CTSA: variants seen among roughly 807,000 people sequenced by gnomAD.
CTSA encodes the protein lysosomal protective protein.
A neutral mutation model predicts 66.7 loss-of-function variants in CTSA; 42 were observed. The ratio of observed to expected loss-of-function variants is 0.63; its 90% CI spans 0.49 to 0.81. CTSA has a LOEUF of 0.81. Among genes scored for constraint, CTSA ranks in the 40% least tolerant of loss-of-function variants. CTSA has a pLI of 0.00. For synonymous variants in CTSA, 225 were observed against 248.6 expected (o/e 0.91, Z 0.89); for missense variants, 525 against 610.9 (o/e 0.86, Z 1.48).
chr20:45,897,886 G>A (rs1360469030), intron 13 of CTSA, 80 bp downstream of exon 13: 11 of 1,505,036 alleles, frequency 7.3e-6, no homozygotes, highest in Non-Finnish European at 1.0e-5. Context: ...TGGCCAGCTG[G>A]CTGCCTGGCT....
intron 8 of CTSA, 164 bp downstream of exon 8, chr20:45,894,236 C>T (rs1987120492): frequency 1.4e-6 from 1 of 693,134 alleles, no homozygotes; most frequent in African/African-American, 1.8e-5. Flanking sequence ...TGTATTCCCA[C>T]CACCACCTCC....
In CTSA at chr20:45,894,642, C is replaced by G. The variant is rs372295074; in HGVS notation, c.778-8C>G. The G allele has an allele frequency of 2.5e-6, 4 of 1,612,952 alleles. No individual in the cohort carries two copies. Among genetic ancestry groups the G allele is most frequent in the Non-Finnish European group, 3.4e-6 (4 of 1,178,952 alleles). The stretch of plus-strand genomic sequence containing the variant: ...TGTAAAGCATGGTGGCTTGGTGTAT[C>G]ATTGCAGCTTCAGGAAGTGGCCCGC... On this transcript the variant is annotated splice_region_variant and splice_polypyrimidine_tract_variant and intron_variant, in intron 8 of 14. Coordinates refer to ENST00000646241, the MANE Select transcript of CTSA (RefSeq NM_000308.4).
intron 11 of CTSA, 177 bp from the exon 12 acceptor site, chr20:45,896,788 C>A: frequency 1.5e-6 from 1 of 661,774 alleles, no homozygotes; most frequent in South Asian, 1.6e-5. Context: ...AATCCCAGCC[C>A]ATCCAGCCCA....
At position 45,898,375 on chromosome 20, in the gene CTSA, C is replaced by G. The variant is rs141528471; in HGVS notation, c.1368C>G (p.Gly456=). Residue 456 remains glycine, a synonymous_variant, in exon 15 of 15, where the codon GGC becomes GGG. Coordinates refer to ENST00000646241, the MANE Select transcript of CTSA (RefSeq NM_000308.4). The surrounding 1 kb of genome is among the most constrained non-coding windows in gnomAD (Gnocchi z 4.6). ...CGAACATTGCTCCTCAGGGCGCCGG[C>G]CACATGGTTCCCACCGACAAGCCCC... is the stretch of plus-strand genomic sequence containing the variant. ...HIAFLTIKGA[G]HMVPTDKPLA... is the part of the protein sequence containing the mutation. 2.2e-5 allele frequency: 35 copies of G among 1,613,762 alleles called. No homozygotes were observed. The African/African-American group carries it at 4.7e-4, about 22-fold the overall frequency.
chr20:45,897,752 C>T lies in CTSA; in HGVS notation c.1200C>T (p.Asp400=), dbSNP rs780715805. The T allele has an allele frequency of 1.2e-6, 2 of 1,612,236 alleles. No individual in the cohort carries two copies. The highest frequency in any genetic ancestry group is 1.1e-5 in the South Asian group (1 of 91,068). ...TCCTATTATATAATGGAGATGTAGACATGGCCTGCAATTTCATGGGGGATG... is the reference window on the plus strand; with the variant it reads ...TCCTATTATATAATGGAGATGTAGATATGGCCTGCAATTTCATGGGGGATG... ...YQILLYNGDV[D]MACNFMGDEW... The change falls in exon 13 of 15, where the codon GAC becomes GAT. Residue 400 remains aspartate (D), a synonymous_variant. Coordinates refer to ENST00000646241, the MANE Select transcript of CTSA (RefSeq NM_000308.4).
chr20:45,892,020 C>A lies in CTSA; in HGVS notation c.299C>A (p.Pro100His). 6.2e-7 allele frequency: 1 copy of A among 1,613,666 alleles called. No individual in the cohort carries two copies. Among genetic ancestry groups the A allele is most frequent in the Non-Finnish European group, 8.5e-7 (1 of 1,179,670 alleles). ...GATGGGCTCCTCACAGAGCATGGCC[C>A]CTTCCTGGTGAGTGGACAGCAGGGG... ...SLDGLLTEHG[P>H]FLVQPDGVTL... Residue 100 changes from proline to histidine, a missense_variant, in exon 3 of 15, where the codon CCC becomes CAC. Physicochemically the swap from Pro to His is moderately conservative, Grantham distance 77 (BLOSUM62 -2). This residue lies in a region of CTSA where 246 missense variants were observed against 267.4 expected (regional missense o/e 0.92). Transcript: ENST00000646241.
rs755669169 is a variant in CTSA, at chr20:45,898,023, C to A, written c.1273C>A (p.Pro425Thr). 3.7e-5 allele frequency: 59 copies of A among 1,614,026 alleles called. No homozygotes were observed. Among genetic ancestry groups the A allele is most frequent in the Non-Finnish European group, 4.8e-5 (57 of 1,180,024 alleles). The change falls in exon 14 of 15, where the codon CCC becomes ACC. Residue 425 changes from proline (P) to threonine (T), a missense_variant. Pro to Thr is a conservative substitution (Grantham distance 38). This residue lies in a region of CTSA where 274 missense variants were observed against 321.1 expected (regional missense o/e 0.85). Coordinates refer to ENST00000646241, the MANE Select transcript of CTSA (RefSeq NM_000308.4). This position sits in a 1 kb window ranked among gnomAD's most constrained non-coding sequence, Gnocchi z 4.6. ...LNQKMEVQRR[P>T]WLVKYGDSGE... ...GGGGCAGATGGAGGTGCAGCGCCGG[C>A]CCTGGTTAGTGAAGTACGGGGACAG...
In CTSA at chr20:45,892,845, G is replaced by T. The variant is rs773522013; in HGVS notation, c.565G>T (p.Val189Leu). ...YAGIYIPTLAVLVMQDPSMNL... is the reference protein window; with the variant it reads ...YAGIYIPTLALLVMQDPSMNL... Reference sequence around the variant, plus strand: ...TGGCATCTACATCCCCACCCTGGCCGTGCTGGTCATGCAGGATCCCAGCAT... The same window carrying T: ...TGGCATCTACATCCCCACCCTGGCCTTGCTGGTCATGCAGGATCCCAGCAT... Residue 189 changes from valine to leucine, a missense_variant, in exon 6 of 15, where the codon GTG (valine) becomes TTG (leucine). Physicochemically the swap from Val to Leu is conservative, Grantham distance 32. Coordinates refer to ENST00000646241, the MANE Select transcript of CTSA (RefSeq NM_000308.4). 1 of 1,614,108 alleles carries T rather than the reference G, an allele frequency of 6.2e-7. No homozygotes were observed. Among genetic ancestry groups the T allele is most frequent in the Non-Finnish European group, 8.5e-7 (1 of 1,180,014 alleles).
intron 8 of CTSA, 142 bp from the exon 9 acceptor site, chr20:45,894,508 C>T (rs1042226909): frequency 2.1e-5 from 16 of 768,618 alleles, no homozygotes; most frequent in Non-Finnish European, 3.2e-5. Flanking sequence ...AAGATTCCTG[C>T]CACTGAGCCT....
chr20:45,898,006 T>C lies in CTSA; in HGVS notation c.1256T>C (p.Met419Thr), dbSNP rs2083129686. The C allele has an allele frequency of 6.2e-7, 1 of 1,613,892 alleles. No individual in the cohort carries two copies. Among genetic ancestry groups the C allele is most frequent in the Non-Finnish European group, 8.5e-7 (1 of 1,179,950 alleles). The change falls in exon 14 of 15, where the codon ATG becomes ACG. Residue 419 changes from methionine to threonine, a missense_variant and splice_region_variant. By Grantham distance (81) the Met-to-Thr change is moderately conservative (BLOSUM62 -1). Transcript: ENST00000646241. This position sits in a 1 kb window ranked among gnomAD's most constrained non-coding sequence, Gnocchi z 4.6. ...CTGATGTCTTTCCTGGTGGGGCAGA[T>C]GGAGGTGCAGCGCCGGCCCTGGTTA... ...EWFVDSLNQK[M>T]EVQRRPWLVK...
rs1190331674 is a variant in CTSA, at chr20:45,898,108, A to G, written c.1358A>G (p.Lys453Arg). ...TCCCACATCGCCTTTCTCACGATCA[A>G]GGTAGGGACTGGGCCTGCTGAGAGA... ...EFSHIAFLTI[K>R]GAGHMVPTDK... The change falls in exon 14 of 15, where the codon AAG (lysine) becomes AGG (arginine). Residue 453 changes from lysine to arginine, a missense_variant and splice_region_variant. Lys to Arg is a conservative substitution (Grantham distance 26). This residue lies in a region of CTSA where 274 missense variants were observed against 321.1 expected (regional missense o/e 0.85). Coordinates refer to ENST00000646241, the MANE Select transcript of CTSA (RefSeq NM_000308.4). The surrounding 1 kb of genome is among the most constrained non-coding windows in gnomAD (Gnocchi z 4.6). The G allele has an allele frequency of 6.2e-7, 1 of 1,613,654 alleles. No individual in the cohort carries two copies. The highest frequency in any genetic ancestry group is 1.1e-5 in the South Asian group (1 of 91,070).
intron 11 of CTSA, among the ~76,000 whole-genome samples, chr20:45,895,835 T>C (rs558996295): frequency 1.3e-5 from 2 of 152,246 alleles, no homozygotes; most frequent in Admixed American, 6.5e-5. Context: ...TCCTCCCTCC[T>C]TGGCCTCCCA....
chr20:45,895,689 T>C (rs1248827523), intron 11 of CTSA, among the ~76,000 whole-genome samples: 1 of 152,148 alleles, frequency 6.6e-6, no homozygotes, highest in Non-Finnish European at 1.5e-5. Flanking sequence ...CAAGCGATCC[T>C]CCCACCTTAG....
At chr20:45,893,198 G>A (rs1987064605) in intron 6 of CTSA, 22 bp from the exon 7 acceptor site, 3 of 1,601,776 alleles carry the variant, frequency 1.9e-6, no homozygotes, top group Admixed American at 3.3e-5. Flanking sequence ...CACATGAGCT[G>A]AGCACCCTGG....
chr20:45,895,255 T>A, intron 11 of CTSA, 122 bp downstream of exon 11: 9 of 1,126,816 alleles, frequency 8.0e-6, no homozygotes, highest in Non-Finnish European at 1.1e-5. Flanking sequence ...AGAGGATGTT[T>A]AACATCCATC....
intron 3 of CTSA, 88 bp downstream of exon 3, chr20:45,892,115 T>G: frequency 6.8e-7 from 1 of 1,473,068 alleles, no homozygotes; most frequent in African/African-American, 1.4e-5. Context: ...CCAAAAAGTT[T>G]CCTTCCTTCT....
rs781090547 is a variant in CTSA at position 45,898,491 on chromosome 20, C to T, written c.*41C>T. 2.5e-6 allele frequency: 4 copies of T among 1,581,454 alleles called. No individual in the cohort carries two copies. The highest frequency in any genetic ancestry group is 3.5e-6 in the Non-Finnish European group (4 of 1,152,000). On this transcript the variant is annotated 3_prime_UTR_variant, in exon 15 of 15. Coordinates refer to ENST00000646241, the MANE Select transcript of CTSA (RefSeq NM_000308.4). The surrounding 1 kb of genome is among the most constrained non-coding windows in gnomAD (Gnocchi z 4.6). ...GCTCCACGGCCTGATGCAGCCCCTC[C>T]CAGCCTCTCCCGCTAGGAGAGTCCT... is the stretch of plus-strand genomic sequence containing the variant.
rs1986969024 is a variant in CTSA at position 45,891,856 on chromosome 20, C to G, written c.195-60C>G. Reference sequence around the variant, plus strand: ...GCAGACCCCTGAGGATGCCTGGGAGCCGGGAGGGCTGGAAAGGGCCCCTCC... The same window carrying G: ...GCAGACCCCTGAGGATGCCTGGGAGGCGGGAGGGCTGGAAAGGGCCCCTCC... On this transcript the variant is annotated intron_variant, in intron 2 of 14. Coordinates refer to ENST00000646241, the MANE Select transcript of CTSA (RefSeq NM_000308.4). This position sits in a 1 kb window ranked among gnomAD's most constrained non-coding sequence, Gnocchi z 4.6. The G allele has an allele frequency of 6.2e-7, 1 of 1,606,872 alleles. No individual in the cohort carries two copies. The highest frequency in any genetic ancestry group is 1.3e-5 in the African/African-American group (1 of 74,760).
intron 7 of CTSA, 192 bp downstream of exon 7, chr20:45,893,503 G>A (rs1032099595): frequency 3.1e-5 from 17 of 556,378 alleles, no homozygotes; most frequent in Non-Finnish European, 4.8e-5. Context: ...TTTTTTTTGA[G>A]ACAGATTCTT....
Sources: gnomAD v4.1 joint callset for allele counts (sites outside exome capture counted in the v4.1 genomes callset) on GRCh38, gnomAD v4.1.1 for gene constraint, gnomAD v4.1.1 regional missense constraint, Gnocchi (gnomAD v3.1) non-coding constraint, MANE v1.5 for transcripts, NCBI Gene and HGNC (gene_info 2026-07-23, HGNC 2026-07-21) for gene names.